Variants in TCF4 observed in about 807,000 individuals in gnomAD.
TCF4 encodes the protein transcription factor 4.
TCF4 carries 3 observed loss-of-function variants against 82.1 expected under a neutral mutation model. The observed-to-expected ratio is 0.04, with a 90% CI of 0.02 to 0.09. TCF4 has a LOEUF of 0.09. Among genes scored for constraint, TCF4 ranks in the 10% least tolerant of loss-of-function variants. The pLI is 1.00. For missense variants in TCF4, 518 were observed against 852.7 expected, an observed-to-expected ratio of 0.61 and a Z score of 4.89; for synonymous variants, 276 against 309.6, an observed-to-expected ratio of 0.89 and a Z score of 1.14.
At chr18:55,564,795 T>G (rs768605274) in intron 3 of TCF4, among the ~76,000 whole-genome samples, 1 of 152,172 alleles carries the variant, frequency 6.6e-6, no homozygotes, top group Non-Finnish European at 1.5e-5. Context: ...AAAGTAGACA[T>G]GTACTGGATG....
intron 6 of TCF4, among the ~76,000 whole-genome samples, chr18:55,375,810 A>T (rs2090579922): frequency 6.6e-6 from 1 of 152,240 alleles, no homozygotes; most frequent in East Asian, 1.9e-4. Context: ...AAAAACATTT[A>T]AAAGTATGAA....
At chr18:55,290,650 AAAT>A (rs1440573922) in intron 8 of TCF4, among the ~76,000 whole-genome samples, 3 of 152,170 alleles carry the variant, frequency 2.0e-5, no homozygotes, top group Non-Finnish European at 4.4e-5. Context: ...CTCCAGTCCC[AAAT>A]GTCTTTAGTG....
In TCF4 at chr18:55,344,537, T is replaced by C. The variant is rs1016948234; in HGVS notation, c.549+5822A>G. On this transcript the variant is annotated intron_variant, in intron 8 of 19. Coordinates refer to ENST00000354452, the MANE Select transcript of TCF4 (RefSeq NM_001083962.2). The stretch of plus-strand genomic sequence containing the variant: ...TCAGTGAAAATGATAAAGTTCAAAA[T>C]AGCAGTTCCCAGAAATGTATTTCTC... 3.3e-5 allele frequency among the ~76,000 whole-genome samples: 5 copies of C among 152,138 alleles called. No homozygotes were observed. The South Asian group carries it at 6.2e-4, about 19-fold the overall frequency.
At chr18:55,551,197 A>T (rs189188393) in intron 3 of TCF4, 1 of 152,384 alleles carries the variant, frequency 6.6e-6, no homozygotes, top group African/African-American at 2.4e-5. Flanking sequence ...TGCCCACCTC[A>T]GCCTCCCAAA....
At chr18:55,588,571 A>T (rs1229512998), upstream of TCF4, 1 of 1,526,736 alleles carries the variant, frequency 6.5e-7, no homozygotes, top group Non-Finnish European at 8.8e-7. Context: ...TCGAGTTTAC[A>T]TCCCCTCACT....
chr18:55,308,322 G>A (rs553139207), intron 8 of TCF4, among the ~76,000 whole-genome samples: 2 of 152,264 alleles, frequency 1.3e-5, no homozygotes, highest in East Asian at 3.9e-4. Context: ...ATGGAATATT[G>A]CATGCTGCTG....
chr18:55,452,367 G>A (rs2095641359), intron 5 of TCF4, among the ~76,000 whole-genome samples: 1 of 152,232 alleles, frequency 6.6e-6, no homozygotes. Context: ...CTAGGCAGTA[G>A]GCATTCTTGT....
intron 8 of TCF4, among the ~76,000 whole-genome samples, chr18:55,324,633 AAGTTACCTTGCCAGCAGTAG>A (rs1487436589): frequency 6.6e-6 from 1 of 152,132 alleles, no homozygotes; most frequent in Non-Finnish European, 1.5e-5. Context: ...ATAACTGGAC[AAGTTACCTTGCCAGCAGTAG>A]GTAACTTGGT....
chr18:55,479,586 A>G (rs1250221990), intron 3 of TCF4, among the ~76,000 whole-genome samples: 3 of 152,022 alleles, frequency 2.0e-5, no homozygotes, highest in Non-Finnish European at 4.4e-5. Flanking sequence ...TGGCCCTTAA[A>G]ATTTCCCATG....
At position 55,234,693 on chromosome 18, in the gene TCF4, C is replaced by A. The variant is rs368578596; in HGVS notation, c.1351-10G>T. 4.3e-6 allele frequency: 7 copies of A among 1,613,908 alleles called. No homozygotes were observed. In the African/African-American group the frequency reaches 5.3e-5, roughly 12 times the overall value. Reference sequence around the variant, plus strand: ...CACGATGGGTCCCCACCTGAAAGGGCGAGAGGAACCAGAGAGGTGAGCAGG... The same window carrying A: ...CACGATGGGTCCCCACCTGAAAGGGAGAGAGGAACCAGAGAGGTGAGCAGG... On this transcript the variant is annotated splice_polypyrimidine_tract_variant and intron_variant, in intron 15 of 19. Coordinates refer to ENST00000354452, the MANE Select transcript of TCF4 (RefSeq NM_001083962.2).
At chr18:55,408,258 T>C (rs1241158734) in intron 5 of TCF4, among the ~76,000 whole-genome samples, 1 of 152,220 alleles carries the variant, frequency 6.6e-6, no homozygotes, top group Non-Finnish European at 1.5e-5. Flanking sequence ...TGAAAAATTA[T>C]CTGATGCTGC....
At chr18:55,549,740 T>C (rs1268216932) in intron 3 of TCF4, among the ~76,000 whole-genome samples, 1 of 152,102 alleles carries the variant, frequency 6.6e-6, no homozygotes, top group Non-Finnish European at 1.5e-5. Flanking sequence ...TTTTTTTTTT[T>C]CCTGGAAGTA....
intron 3 of TCF4, among the ~76,000 whole-genome samples, chr18:55,509,092 G>A (rs746729658): frequency 6.6e-5 from 10 of 152,000 alleles, no homozygotes; most frequent in Non-Finnish European, 1.5e-5. Flanking sequence ...CTAAAAATCA[G>A]ATTAATTGGA....
At chr18:55,362,839 C>T (rs1279811882) in intron 6 of TCF4, among the ~76,000 whole-genome samples, 1 of 152,106 alleles carries the variant, frequency 6.6e-6, no homozygotes, top group Non-Finnish European at 1.5e-5. Flanking sequence ...AGATATTCAG[C>T]ATACGACACT....
At chr18:55,407,453 C>A (rs2094147315) in intron 5 of TCF4, among the ~76,000 whole-genome samples, 1 of 152,116 alleles carries the variant, frequency 6.6e-6, no homozygotes, top group African/African-American at 2.4e-5. Context: ...GTCTACAGAA[C>A]AAGTCGGCAT....
chr18:55,292,749 TATAC>T (rs1408342592), intron 8 of TCF4, among the ~76,000 whole-genome samples: 1 of 152,106 alleles, frequency 6.6e-6, no homozygotes, highest in Non-Finnish European at 1.5e-5. Context: ...TACATATATG[TATAC>T]ATATATACGT....
intron 6 of TCF4, among the ~76,000 whole-genome samples, chr18:55,385,891 G>A (rs942572873): frequency 1.2e-4 from 19 of 152,170 alleles, no homozygotes; most frequent in African/African-American, 4.3e-4. Context: ...TCAGGCCATC[G>A]CTACTGGGTG....
chr18:55,599,428 A>G (rs1282426119), intron 2 of TCF4, among the ~76,000 whole-genome samples: 1 of 152,214 alleles, frequency 6.6e-6, no homozygotes, highest in African/African-American at 2.4e-5. Context: ...TGAGAAAAAA[A>G]GAAAGCTGCA....
At chr18:55,554,866 G>A (rs1460973617) in intron 3 of TCF4, among the ~76,000 whole-genome samples, 1 of 152,194 alleles carries the variant, frequency 6.6e-6, no homozygotes, top group East Asian at 1.9e-4. Context: ...AAATGAAAAT[G>A]TTAATATAAA....
Sources: allele counts gnomAD v4.1 joint callset (sites outside exome capture counted in the v4.1 genomes callset), GRCh38; gene constraint gnomAD v4.1.1; transcripts MANE v1.5; gene names NCBI Gene and HGNC (gene_info 2026-07-23, HGNC 2026-07-21).